The following MYO18A variants were observed in gnomAD, a reference collection of about 807,000 sequenced individuals.
The protein encoded by MYO18A is myosin XVIIIA.
A neutral mutation model predicts 235.8 loss-of-function variants in MYO18A; 78 were observed. That is an observed-to-expected ratio of 0.33 (90% CI 0.28 to 0.40). The LOEUF (loss-of-function observed/expected upper bound fraction) is 0.40, where lower values mean the gene tolerates loss of function less well. MYO18A is among the 10% of genes least tolerant of loss of function. The probability of loss-of-function intolerance (pLI) is 1.00; values close to 1 mark genes in which losing one functional copy is unlikely to be tolerated. For synonymous variants in MYO18A, 977 were observed against 1,077.8 expected (o/e 0.91, Z 1.83); for missense variants, 2,215 against 2,699.3 (o/e 0.82, Z 3.98).
intron 14 of MYO18A, 53 bp from the exon 15 acceptor site, chr17:29,114,150 A>G (rs1023918893): frequency 8.6e-6 from 12 of 1,389,544 alleles, no homozygotes; most frequent in Middle Eastern, 1.8e-4. Flanking sequence ...TGTGGGGAAC[A>G]GCCTTGTGAG....
chr17:29,172,494 A>C (rs950608857), intron 1 of MYO18A, among the ~76,000 whole-genome samples: 1 of 152,040 alleles, frequency 6.6e-6, no homozygotes, highest in African/African-American at 2.4e-5. Context: ...AAAATGAAAA[A>C]AAATATGAGT....
intron 11 of MYO18A, 52 bp from the exon 12 acceptor site, chr17:29,115,892 G>C: frequency 6.5e-7 from 1 of 1,533,310 alleles, no homozygotes; most frequent in East Asian, 2.5e-5. Flanking sequence ...CCTTAGGCCA[G>C]CTGATGACCT....
chr17:29,093,275 G>A (rs758104433), intron 32 of MYO18A, 48 bp downstream of exon 32: 25 of 1,510,410 alleles, frequency 1.7e-5, no homozygotes, highest in African/African-American at 4.1e-5. Flanking sequence ...TCCTCAGGCC[G>A]CATGGGCAGG....
In MYO18A at chr17:29,121,348, T is replaced by A; in HGVS notation, c.1372-137A>T. 8.8e-7 allele frequency: 1 copy of A among 1,139,570 alleles called. No homozygotes were observed. The highest frequency in any genetic ancestry group is 1.5e-5 in the South Asian group (1 of 66,214). The allele number at this position is 1,139,570 out of a possible 1,614,324, so 70.6% of individuals were successfully genotyped here. ...GGGATTCCAAGGCCAAGGCCATGCATGGAAATGAAGACACTAAGTCCTGGA... is the reference window on the plus strand; with the variant it reads ...GGGATTCCAAGGCCAAGGCCATGCAAGGAAATGAAGACACTAAGTCCTGGA... On this transcript the variant is annotated intron_variant, in intron 5 of 41. Coordinates refer to ENST00000527372, the MANE Select transcript of MYO18A (RefSeq NM_078471.4). This position sits in a 1 kb window ranked among gnomAD's most constrained non-coding sequence, Gnocchi z 4.2.
At chr17:29,160,647 C>A (rs1236195424) in intron 2 of MYO18A, among the ~76,000 whole-genome samples, 1 of 152,230 alleles carries the variant, frequency 6.6e-6, no homozygotes, top group Non-Finnish European at 1.5e-5. Flanking sequence ...AAACCCAGGT[C>A]TTTCTGGCTC....
At position 29,166,465 on chromosome 17, in the gene MYO18A, T is replaced by G. The variant is rs747924919; in HGVS notation, c.476A>C (p.His159Pro). 1 of 1,613,610 alleles carries G rather than the reference T, an allele frequency of 6.2e-7. No individual in the cohort carries two copies. Reference protein sequence around the residue: ...SASETSTPSEHSAAPSPQVEV... With the variant: ...SASETSTPSEPSAAPSPQVEV... ...CACCTGTGGCGAGGGGGCGGCAGAG[T>G]GCTCTGAGGGCGTCGAGGTTTCTGA... Residue 159 changes from histidine (H) to proline (P), a missense_variant, in exon 2 of 42, where the codon CAC (histidine) becomes CCC (proline). Coordinates refer to ENST00000527372, the MANE Select transcript of MYO18A (RefSeq NM_078471.4).
At chr17:29,098,558 G>A in intron 23 of MYO18A, 113 bp from the exon 24 acceptor site, 1 of 1,277,806 alleles carries the variant, frequency 7.8e-7, no homozygotes, top group Non-Finnish European at 1.1e-6. Flanking sequence ...AGGACGCCAT[G>A]GGGAAGGCAT....
At chr17:29,086,369 C>G (rs774246117) in intron 39 of MYO18A, 69 bp downstream of exon 39, 4 of 1,526,894 alleles carry the variant, frequency 2.6e-6, no homozygotes, top group Non-Finnish European at 3.5e-6. Context: ...TCTACCTGGT[C>G]GTCTGGTTCC....
At chr17:29,119,853 C>A (rs76360629) in intron 7 of MYO18A, among the ~76,000 whole-genome samples, 2 of 151,772 alleles carry the variant, frequency 1.3e-5, no homozygotes, top group African/African-American at 4.8e-5. Context: ...CGTGAGCCAC[C>A]GCACCCAACC....
intron 7 of MYO18A, 51 bp from the exon 8 acceptor site, chr17:29,119,486 T>C: frequency 7.1e-7 from 1 of 1,402,094 alleles, no homozygotes; most frequent in Non-Finnish European, 9.9e-7. Flanking sequence ...CAGATCAAGT[T>C]TCTCCCACCC....
At position 29,132,908 on chromosome 17, in the gene MYO18A, TCA is replaced by T. The variant is rs202135560; in HGVS notation, c.1000-10657_1000-10656del. 9.3e-3 allele frequency among the ~76,000 whole-genome samples: 1,414 copies of T among 152,242 alleles called. 13 individuals are homozygous for T. Among genetic ancestry groups the T allele is most frequent in the Middle Eastern group, 0.041 (12 of 294 alleles). Reference sequence around the variant, plus strand: ...GTGCCTGCTGCCCCCCACCAAGCCATCACTCTCCCCCTTGCTGCCCCAGGGAT... The same window carrying T: ...GTGCCTGCTGCCCCCCACCAAGCCATCTCTCCCCCTTGCTGCCCCAGGGAT... On this transcript the variant is annotated intron_variant, in intron 2 of 41. Transcript: ENST00000527372.
chr17:29,108,085 C>T (rs930376668), intron 19 of MYO18A, among the ~76,000 whole-genome samples: 8 of 151,874 alleles, frequency 5.3e-5, no homozygotes, highest in Admixed American at 1.3e-4. Flanking sequence ...GCACTTATCT[C>T]GAATGGTAGT....
At chr17:29,081,057 G>T in intron 41 of MYO18A, 1 of 920,730 alleles carries the variant, frequency 1.1e-6, no homozygotes. Context: ...GAGGGCAGCA[G>T]GGAGAGAGGG....
intron 19 of MYO18A, among the ~76,000 whole-genome samples, chr17:29,108,612 C>T (rs1289837415): frequency 6.6e-6 from 1 of 152,200 alleles, no homozygotes; most frequent in Non-Finnish European, 1.5e-5. Flanking sequence ...TGCTCCACAG[C>T]AATGACGGGC....
chr17:29,119,224 CAG>C, intron 8 of MYO18A, 109 bp downstream of exon 8: 2 of 747,688 alleles, frequency 2.7e-6, no homozygotes, highest in Non-Finnish European at 4.4e-6. Flanking sequence ...ACTGACCAAA[CAG>C]TGCAGGATGC....
chr17:29,109,388 T>C lies in MYO18A; in HGVS notation c.3331+470A>G, dbSNP rs942692355. 6.6e-6 allele frequency among the ~76,000 whole-genome samples: 1 copy of C among 152,178 alleles called. No individual in the cohort carries two copies. The highest frequency in any genetic ancestry group is 2.4e-5 in the African/African-American group (1 of 41,442). ...CTCTAAGTAACCACTAATACTATCATCCTGTCTGTCGCCTCCTTTAGATGG... is the reference window on the plus strand; with the variant it reads ...CTCTAAGTAACCACTAATACTATCACCCTGTCTGTCGCCTCCTTTAGATGG... On this transcript the variant is annotated intron_variant, in intron 19 of 41. Transcript: ENST00000527372. This position sits in a 1 kb window ranked among gnomAD's most constrained non-coding sequence, Gnocchi z 4.1.
chr17:29,134,329 C>T (rs1018382677), intron 2 of MYO18A, among the ~76,000 whole-genome samples: 1 of 151,842 alleles, frequency 6.6e-6, no homozygotes, highest in Non-Finnish European at 1.5e-5. Flanking sequence ...GTGATCCACC[C>T]GCCTTGGCGT....
chr17:29,074,201 C>T lies in MYO18A; in HGVS notation c.*569G>A. On this transcript the variant is annotated 3_prime_UTR_variant, in exon 42 of 42. Coordinates refer to ENST00000527372, the MANE Select transcript of MYO18A (RefSeq NM_078471.4). This position sits in a 1 kb window ranked among gnomAD's most constrained non-coding sequence, Gnocchi z 4.4. ...GAAGGGTGAAGATGGAGATGACATT[C>T]CCGAGTCGTTCTTGGGAGCCCCAGC... 1.9e-6 allele frequency: 3 copies of T among 1,589,364 alleles called. No individual in the cohort carries two copies. Among genetic ancestry groups the T allele is most frequent in the Non-Finnish European group, 2.6e-6 (3 of 1,164,746 alleles).
intron 2 of MYO18A, among the ~76,000 whole-genome samples, chr17:29,155,738 A>G (rs1277933384): frequency 1.3e-5 from 2 of 152,182 alleles, no homozygotes; most frequent in African/African-American, 4.8e-5. Context: ...TGAGGATGGA[A>G]TCCGAGGCGG....
Sources: allele counts gnomAD v4.1 joint callset (sites outside exome capture counted in the v4.1 genomes callset), GRCh38; gene constraint gnomAD v4.1.1; non-coding constraint Gnocchi (gnomAD v3.1); transcripts MANE v1.5; gene names NCBI Gene and HGNC (gene_info 2026-07-23, HGNC 2026-07-21).